Variants in SEPTIN14 observed in about 807,000 individuals in gnomAD.
SEPTIN14 encodes the protein septin 14.
A neutral mutation model predicts 53.6 loss-of-function variants in SEPTIN14; 40 were observed. That is an observed-to-expected ratio of 0.75 (90% CI 0.58 to 0.97). SEPTIN14 has a LOEUF of 0.97. SEPTIN14 is among the 50% of genes least tolerant of loss of function. SEPTIN14 has a pLI of 0.00. For missense variants in SEPTIN14, 471 were observed against 508.2 expected (o/e 0.93, Z 0.70); for synonymous variants, 138 against 166.8 (o/e 0.83, Z 1.33).
intron 9 of SEPTIN14, among the ~76,000 whole-genome samples, chr7:55,803,402 T>C (rs1415968468): frequency 2.6e-5 from 4 of 152,140 alleles, no homozygotes; most frequent in African/African-American, 4.8e-5. Flanking sequence ...AATGATTTTA[T>C]AGAAAGATAA....
At chr7:55,805,498 C>A in intron 8 of SEPTIN14, 108 bp from the exon 9 acceptor site, 1 of 712,634 alleles carries the variant, frequency 1.4e-6, no homozygotes, top group Non-Finnish European at 2.3e-6. Flanking sequence ...TGCACGTCAG[C>A]CTGGGAGACA....
intron 7 of SEPTIN14, among the ~76,000 whole-genome samples, chr7:55,817,479 T>A (rs868666729): frequency 0.012 from 1,769 of 149,420 alleles, 28 homozygotes; most frequent in African/African-American, 0.037. Flanking sequence ...TATATATATT[T>A]TTTTTTTTTG....
intron 9 of SEPTIN14, chr7:55,798,112 G>A (rs1292238121): frequency 4.2e-5 from 8 of 189,636 alleles, no homozygotes; most frequent in South Asian, 2.3e-4. Context: ...GTAGAGGAAC[G>A]TGGAACCTCG....
At position 55,843,096 on chromosome 7, in the gene SEPTIN14, T is replaced by C; in HGVS notation, c.404A>G (p.Gln135Arg). Residue 135 changes from glutamine to arginine, a missense_variant, in exon 5 of 10, where the codon CAA becomes CGA. Physicochemically the swap from Gln to Arg is conservative, Grantham distance 43 (BLOSUM62 1). Transcript: ENST00000388975. The part of the protein sequence containing the change: ...YQPIVDYIDA[Q>R]FEAYLQEELK... ...TTCTTCTTGAAGATAGGCCTCAAATTGGGCATCTATGTAGTCAACTATTGG... is the reference window on the plus strand; with the variant it reads ...TTCTTCTTGAAGATAGGCCTCAAATCGGGCATCTATGTAGTCAACTATTGG... The C allele has an allele frequency of 6.2e-7, 1 of 1,602,280 alleles. No individual in the cohort carries two copies. Among genetic ancestry groups the C allele is most frequent in the South Asian group, 1.1e-5 (1 of 88,278 alleles).
Position 55,844,617 on chromosome 7 carries a change from T to C in SEPTIN14, c.277A>G (p.Ile93Val), listed in dbSNP as rs1789369400. 6.2e-7 allele frequency: 1 copy of C among 1,610,356 alleles called. No individual in the cohort carries two copies. The highest frequency in any genetic ancestry group is 2.2e-5 in the East Asian group (1 of 44,852). ...SHFYSNVGLQ[I>V]QTYELQESNV... ...CTTTCCTGAAGTTCATATGTCTGAATTTGAAGTCCAACATTTGAGTAAAAA... is the reference window on the plus strand; with the variant it reads ...CTTTCCTGAAGTTCATATGTCTGAACTTGAAGTCCAACATTTGAGTAAAAA... The change falls in exon 4 of 10, where the codon ATT (isoleucine) becomes GTT (valine). Residue 93 changes from isoleucine (I) to valine (V), a missense_variant. Coordinates refer to ENST00000388975, the MANE Select transcript of SEPTIN14 (RefSeq NM_207366.3).
chr7:55,809,710 G>T (rs995655112), intron 7 of SEPTIN14, among the ~76,000 whole-genome samples: 2 of 146,762 alleles, frequency 1.4e-5, no homozygotes, highest in African/African-American at 5.1e-5. Flanking sequence ...AAACCCCCAT[G>T]ACATGCAATT....
At chr7:55,848,592 G>A (rs185010812) in intron 2 of SEPTIN14, among the ~76,000 whole-genome samples, 134 of 149,668 alleles carry the variant, frequency 9.0e-4, no homozygotes, top group Admixed American at 3.0e-3. Flanking sequence ...CACTGAGCCC[G>A]ATCTACTAAC....
At chr7:55,833,390 G>T (rs1223626940) in intron 6 of SEPTIN14, among the ~76,000 whole-genome samples, 1 of 150,402 alleles carries the variant, frequency 6.6e-6, no homozygotes, top group Non-Finnish European at 1.5e-5. Flanking sequence ...CAGAAGGAAA[G>T]AAATAACAAA....
intron 9 of SEPTIN14, among the ~76,000 whole-genome samples, chr7:55,802,016 A>G (rs1308093560): frequency 1.5e-5 from 2 of 137,378 alleles, no homozygotes; most frequent in Non-Finnish European, 3.0e-5. Flanking sequence ...TTTTTTTTCT[A>G]TGAGACGGAG....
intron 4 of SEPTIN14, 72 bp downstream of exon 4, chr7:55,844,441 TACACAAATTA>T: frequency 3.1e-6 from 2 of 638,622 alleles, no homozygotes; most frequent in Non-Finnish European, 5.2e-6. Context: ...AGGTATTACT[TACACAAATTA>T]GTCTATGGCA....
At chr7:55,827,562 G>C (rs574576096) in intron 6 of SEPTIN14, among the ~76,000 whole-genome samples, 1 of 152,314 alleles carries the variant, frequency 6.6e-6, no homozygotes, top group Non-Finnish European at 1.5e-5. Context: ...ATTTCACCAG[G>C]AGCTGCACCA....
At position 55,846,557 on chromosome 7, in the gene SEPTIN14, T is replaced by A. The variant is rs1789420000; in HGVS notation, c.135A>T (p.Arg45Ser). ...FECLPNQLVS[R>S]SIRQGFTFNI... The stretch of plus-strand genomic sequence containing the variant: ...TAAAAGTGAATCCTTGTCGGATAGA[T>A]CTGCTCACCAACTGATTGGGCAAAC... Residue 45 changes from arginine to serine, a missense_variant, in exon 3 of 10, where the codon AGA (arginine) becomes AGT (serine). Physicochemically the swap from Arg to Ser is moderately radical, Grantham distance 110 (BLOSUM62 -1). Coordinates refer to ENST00000388975, the MANE Select transcript of SEPTIN14 (RefSeq NM_207366.3). 1.3e-6 allele frequency: 2 copies of A among 1,597,174 alleles called. No homozygotes were observed. Among genetic ancestry groups the A allele is most frequent in the South Asian group, 1.1e-5 (1 of 89,588 alleles).
chr7:55,814,875 T>C (rs549409872), intron 7 of SEPTIN14, among the ~76,000 whole-genome samples: 1 of 152,282 alleles, frequency 6.6e-6, no homozygotes, highest in African/African-American at 2.4e-5. Context: ...AGGAATCGCA[T>C]TACCTGACTT....
intron 2 of SEPTIN14, chr7:55,850,788 T>A (rs1052621545): frequency 6.6e-6 from 1 of 152,034 alleles, no homozygotes; most frequent in African/African-American, 2.4e-5. Flanking sequence ...AACACATACA[T>A]GGCCAGGTAC....
At chr7:55,822,956 T>C (rs1413021770) in intron 6 of SEPTIN14, among the ~76,000 whole-genome samples, 2 of 152,056 alleles carry the variant, frequency 1.3e-5, no homozygotes, top group Non-Finnish European at 2.9e-5. Flanking sequence ...AATCTTCCTG[T>C]GCCTAGCTAT....
rs145375089 is a variant in SEPTIN14, at chr7:55,806,325, C to T, written c.986+765G>A. On this transcript the variant is annotated intron_variant, in intron 8 of 9. Transcript: ENST00000388975. ...TCTATTCTTCAAGTTAGAGCAAACA[C>T]CTGCTCTCAAACTTTTCTCATTTAA... Among the ~76,000 whole-genome samples, 168 of 151,556 alleles carry T rather than the reference C, an allele frequency of 1.1e-3. 2 individuals are homozygous for T. The highest frequency in any genetic ancestry group is 3.9e-3 in the African/African-American group (161 of 41,374).
intron 5 of SEPTIN14, among the ~76,000 whole-genome samples, chr7:55,839,585 A>G (rs1043001271): frequency 2.0e-5 from 3 of 152,090 alleles, no homozygotes; most frequent in African/African-American, 7.2e-5. Flanking sequence ...TCTTTATGAT[A>G]GGTATGTATG....
Position 55,836,076 on chromosome 7 carries a change from T to TA in SEPTIN14, c.559-1491_559-1490insT, listed in dbSNP as rs572667267. ...ATTCTAAAGGCCGTGTGTGTATGTATGTGTGTGTGTGCGCGTGTGTGTGTA... is the reference window on the plus strand; with the variant it reads ...ATTCTAAAGGCCGTGTGTGTATGTATAGTGTGTGTGTGCGCGTGTGTGTGTA... On this transcript the variant is annotated intron_variant, in intron 5 of 9. Transcript: ENST00000388975. Among the ~76,000 whole-genome samples, 422 of 152,146 alleles carry TA rather than the reference T, an allele frequency of 2.8e-3. 5 individuals carry two copies. Among genetic ancestry groups the TA allele is most frequent in the Middle Eastern group, 0.01 (3 of 294 alleles).
intron 7 of SEPTIN14, among the ~76,000 whole-genome samples, chr7:55,809,913 A>G (rs1216971720): frequency 6.7e-6 from 1 of 149,376 alleles, no homozygotes; most frequent in African/African-American, 2.5e-5. Context: ...GCTCACTGCA[A>G]GCTCTGCCTC....
Sources: allele counts gnomAD v4.1 joint callset (sites outside exome capture counted in the v4.1 genomes callset), GRCh38; gene constraint gnomAD v4.1.1; transcripts MANE v1.5; gene names NCBI Gene and HGNC (gene_info 2026-07-23, HGNC 2026-07-21).